The following ZNF362 variants were observed in gnomAD, a reference collection of about 807,000 sequenced individuals.
ZNF362 encodes the protein zinc finger protein 362, also known as rotund homolog.
Under a neutral mutation model 42.9 loss-of-function variants are expected in ZNF362, and 11 were observed. The ratio of observed to expected loss-of-function variants is 0.26; its 90% CI spans 0.16 to 0.42. ZNF362 has a LOEUF of 0.42. Among genes scored for constraint, ZNF362 ranks in the 20% least tolerant of loss-of-function variants. ZNF362 has a pLI of 1.00. For missense variants in ZNF362, 362 were observed against 576.2 expected (o/e 0.63, Z 3.81); for synonymous variants, 255 against 257.3 (o/e 0.99, Z 0.09).
chr1:33,224,753 G>A, the ZNF362 span, among the ~76,000 whole-genome samples: 2 of 152,156 alleles, frequency 1.3e-5, no homozygotes, highest in Non-Finnish European at 2.9e-5. Flanking sequence ...GATGATGGTT[G>A]AGAATTTCCA....
chr1:33,216,829 G>A, the ZNF362 span, among the ~76,000 whole-genome samples: 1 of 151,928 alleles, frequency 6.6e-6, no homozygotes, highest in Non-Finnish European at 1.5e-5. Context: ...CCCCTGTGCA[G>A]GTGGCTGGAG....
At chr1:33,129,837 AGAG>A in the ZNF362 span, among the ~76,000 whole-genome samples, 12 of 152,210 alleles carry the variant, frequency 7.9e-5, no homozygotes, top group African/African-American at 1.9e-4. This position sits in a 1 kb window ranked among gnomAD's most constrained non-coding sequence, Gnocchi z 4.1. Context: ...AGCGGGGGAG[AGAG>A]GAGGTCAGCT....
chr1:33,221,089 G>C, the ZNF362 span, among the ~76,000 whole-genome samples: 1 of 152,166 alleles, frequency 6.6e-6, no homozygotes, highest in African/African-American at 2.4e-5. Flanking sequence ...GGGTGGTGCT[G>C]GGGGGCGGGG....
chr1:33,238,363 T>TAAAATA, the ZNF362 span, among the ~76,000 whole-genome samples: 1 of 71,720 alleles, frequency 1.4e-5, no homozygotes, highest in African/African-American at 5.4e-5. Context: ...TAAAATAAAA[T>TAAAATA]AATAAAATAA....
At chr1:33,137,213 G>A in the ZNF362 span, among the ~76,000 whole-genome samples, 1,969 of 152,222 alleles carry the variant, frequency 0.013, 17 homozygotes, top group Non-Finnish European at 0.02. Context: ...GGGGACTGGA[G>A]GCTAATAAGG....
chr1:33,181,059 A>G, the ZNF362 span: 1 of 1,557,954 alleles, frequency 6.4e-7, no homozygotes, highest in Non-Finnish European at 8.7e-7. This position sits in a 1 kb window ranked among gnomAD's most constrained non-coding sequence, Gnocchi z 6.5. Context: ...GATGCCGGTG[A>G]CCTGATGCTG....
the ZNF362 span, among the ~76,000 whole-genome samples, chr1:33,155,132 C>T: frequency 1.0e-4 from 15 of 146,546 alleles, no homozygotes; most frequent in African/African-American, 1.7e-4. Context: ...AGTGCAGTGG[C>T]GCGATCTCGG....
rs755453441 is a variant in ZNF362 at position 33,276,303 on chromosome 1, G to A, written c.103-45G>A. On this transcript the variant is annotated intron_variant, in intron 3 of 8. Coordinates refer to ENST00000539719, the MANE Select transcript of ZNF362 (RefSeq NM_152493.3). ...GGACCAGCGGGCCTGGGCAAGGGGC[G>A]GGAGGTGGTCCAGACCTCCTCAGCC... 32 of 1,539,236 alleles carry A rather than the reference G, an allele frequency of 2.1e-5. 1 individual carries two copies. The highest frequency in any genetic ancestry group is 4.8e-5 in the East Asian group (2 of 41,240).
At chr1:33,293,917 G>A (rs1388548460) in intron 6 of ZNF362, among the ~76,000 whole-genome samples, 1 of 152,148 alleles carries the variant, frequency 6.6e-6, no homozygotes. Flanking sequence ...TCCTCATGAG[G>A]CCCTTATCTC....
rs2148147045 is a variant in ZNF362, at chr1:33,299,051, A to G, written c.*5A>G. On this transcript the variant is annotated 3_prime_UTR_variant, in exon 9 of 9. Transcript: ENST00000539719. The stretch of plus-strand genomic sequence containing the variant: ...GTGCGAATCTCTCTCATCTGAGCCC[A>G]CTGGAGGCGCCGCCCCACCCGGCCC... 1.9e-6 allele frequency: 3 copies of G among 1,604,536 alleles called. No homozygotes were observed. Among genetic ancestry groups the G allele is most frequent in the East Asian group, 2.2e-5 (1 of 44,854 alleles).
At chr1:33,270,349 G>A (rs953758163) in intron 1 of ZNF362, 138 bp from the exon 2 acceptor site, 11 of 488,316 alleles carry the variant, frequency 2.3e-5, no homozygotes, top group African/African-American at 1.6e-4. Flanking sequence ...TGTGCTGCAC[G>A]TGCATCTCAG....
At chr1:33,244,220 A>T in the ZNF362 span, among the ~76,000 whole-genome samples, 1 of 151,720 alleles carries the variant, frequency 6.6e-6, no homozygotes, top group African/African-American at 2.4e-5. This position sits in a 1 kb window ranked among gnomAD's most constrained non-coding sequence, Gnocchi z 4.0. Flanking sequence ...TGTGTGTTCT[A>T]GTATCAGGGA....
At chr1:33,273,317 A>C (rs2148088330) in intron 2 of ZNF362, among the ~76,000 whole-genome samples, 2 of 152,360 alleles carry the variant, frequency 1.3e-5, no homozygotes, top group South Asian at 4.1e-4. Flanking sequence ...AATCAGGCAA[A>C]GGTGGTGTGG....
At chr1:33,170,283 C>T in the ZNF362 span, among the ~76,000 whole-genome samples, 171 of 151,490 alleles carry the variant, frequency 1.1e-3, 3 homozygotes, top group Middle Eastern at 6.8e-3. Flanking sequence ...AAGATCGTGC[C>T]ACTGCACTCC....
the ZNF362 span, among the ~76,000 whole-genome samples, chr1:33,232,908 C>A: frequency 3.3e-5 from 5 of 152,220 alleles, no homozygotes; most frequent in Non-Finnish European, 7.3e-5. Flanking sequence ...TGGAAACTAA[C>A]ATTTGTAAGG....
At chr1:33,147,789 G>A in the ZNF362 span, 3 of 1,547,726 alleles carry the variant, frequency 1.9e-6, no homozygotes, top group Admixed American at 5.5e-5. This position sits in a 1 kb window ranked among gnomAD's most constrained non-coding sequence, Gnocchi z 8.1. Context: ...CCACCATGCA[G>A]TGCCTTCCTG....
At chr1:33,274,251 C>T (rs111432874) in intron 2 of ZNF362, among the ~76,000 whole-genome samples, 106 of 152,340 alleles carry the variant, frequency 7.0e-4, no homozygotes, top group Non-Finnish European at 1.2e-3. Context: ...GGAATCTCAG[C>T]TCTCTGCTTA....
chr1:33,241,090 CG>C, the ZNF362 span, among the ~76,000 whole-genome samples: 1,687 of 150,086 alleles, frequency 0.011, 36 homozygotes, highest in African/African-American at 0.038. Context: ...ACAATTCCCC[CG>C]CCCCGCCCCA....
chr1:33,266,921 AGT>A lies in ZNF362; in HGVS notation c.-88-3564_-88-3563del, dbSNP rs1043446804. Among the ~76,000 whole-genome samples the A allele has an allele frequency of 2.6e-5, 4 of 152,212 alleles. No individual in the cohort carries two copies. Among genetic ancestry groups the A allele is most frequent in the Non-Finnish European group, 2.9e-5 (2 of 68,036 alleles). On this transcript the variant is annotated intron_variant, in intron 1 of 8. Coordinates refer to ENST00000539719, the MANE Select transcript of ZNF362 (RefSeq NM_152493.3). This position sits in a 1 kb window ranked among gnomAD's most constrained non-coding sequence, Gnocchi z 4.3. Reference sequence around the variant, plus strand: ...TGTGGAGTTTGAACTATACCCCAAAAGTGATGGGAATCCAAGAAGGATTTTAA... The same window carrying A: ...TGTGGAGTTTGAACTATACCCCAAAAGATGGGAATCCAAGAAGGATTTTAA...
Sources: allele counts gnomAD v4.1 joint callset (sites outside exome capture counted in the v4.1 genomes callset), GRCh38; gene constraint gnomAD v4.1.1; non-coding constraint Gnocchi (gnomAD v3.1); transcripts MANE v1.5; gene names NCBI Gene and HGNC (gene_info 2026-07-23, HGNC 2026-07-21).